The following TIMMDC1 variants were observed in gnomAD, a reference collection of about 807,000 sequenced individuals.
TIMMDC1 encodes the protein complex I assembly factor TIMMDC1, mitochondrial.
Under a neutral mutation model 32.6 loss-of-function variants are expected in TIMMDC1, and 25 were observed. That is an observed-to-expected ratio of 0.77 (90% confidence interval 0.56 to 1.07). The LOEUF (loss-of-function observed/expected upper bound fraction) is 1.07. TIMMDC1 is among the 50% of genes least tolerant of loss of function. TIMMDC1 has a pLI of 0.00. For synonymous variants in TIMMDC1, 130 were observed against 127.6 expected, an observed-to-expected ratio of 1.02 and a Z score of -0.13; for missense variants, 329 against 349.2, an observed-to-expected ratio of 0.94 and a Z score of 0.46.
chr3:119,508,526 A>T (rs1455211417), intron 4 of TIMMDC1, among the ~76,000 whole-genome samples: 1 of 152,240 alleles, frequency 6.6e-6, no homozygotes, highest in Admixed American at 6.5e-5. Flanking sequence ...CATACCAGAA[A>T]CTGGAAGTCT....
intron 4 of TIMMDC1, 126 bp from the exon 5 acceptor site, chr3:119,513,515 G>A (rs1440013428): frequency 4.3e-6 from 3 of 701,968 alleles, no homozygotes; most frequent in African/African-American, 1.8e-5. Context: ...AGTATAGGCT[G>A]TAGTAGTATA....
intron 6 of TIMMDC1, among the ~76,000 whole-genome samples, chr3:119,519,610 C>A (rs552093141): frequency 0.015 from 2,219 of 151,920 alleles, 56 homozygotes; most frequent in African/African-American, 0.052. Flanking sequence ...ATATATATAT[C>A]TAAACAAATA....
At position 119,498,561 on chromosome 3, in the gene TIMMDC1, G is replaced by T. The variant is rs910577272; in HGVS notation, c.-173G>T. On this transcript the variant is annotated 5_prime_UTR_variant, in exon 1 of 7. Coordinates refer to ENST00000494664, the MANE Select transcript of TIMMDC1 (RefSeq NM_016589.4). Reference sequence around the variant, plus strand: ...GGACTTCCTGTGTCGTATTTCCAAGGACTCCAAAGCGAGGCCGGGGACTGA... The same window carrying T: ...GGACTTCCTGTGTCGTATTTCCAAGTACTCCAAAGCGAGGCCGGGGACTGA... 3 of 623,158 alleles carry T rather than the reference G, an allele frequency of 4.8e-6. No individual in the cohort carries two copies. The highest frequency in any genetic ancestry group is 8.3e-6 in the Non-Finnish European group (3 of 361,980). 38.6% of individuals were successfully genotyped at this position (623,158 alleles called of 1,614,324 possible). A position where few individuals can be genotyped will look rare whatever the true frequency, so the allele number is the denominator to read the frequency against.
At chr3:119,516,007 C>T (rs9289131) in intron 5 of TIMMDC1, among the ~76,000 whole-genome samples, 32,341 of 152,122 alleles carry the variant, frequency 0.21, 4,029 homozygotes, top group Middle Eastern at 0.29. Context: ...TCATAATCTA[C>T]TGCTGCCATT....
chr3:119,505,303 T>G lies in TIMMDC1; in HGVS notation c.517+1282T>G, dbSNP rs143581001. Among the ~76,000 whole-genome samples the G allele has an allele frequency of 7.2e-5, 11 of 152,198 alleles. No individual in the cohort carries two copies. The East Asian group carries it at 2.1e-3, about 29-fold the overall frequency. ...TAAGTTAACTGCTATATACACTCAA[T>G]CACTAACTTGTGTACATTCTTTTAT... On this transcript the variant is annotated intron_variant, in intron 4 of 6. Transcript: ENST00000494664.
intron 4 of TIMMDC1, among the ~76,000 whole-genome samples, chr3:119,512,426 G>A (rs2081958674): frequency 6.6e-6 from 1 of 152,064 alleles, no homozygotes; most frequent in Non-Finnish European, 1.5e-5. Flanking sequence ...TTACAGGTGT[G>A]TGCCGCCATG....
At position 119,523,994 on chromosome 3, in the gene TIMMDC1, A is replaced by G. The variant is rs969864859; in HGVS notation, c.*238A>G. ...TACTTATGTTTGTATTAATCTATCA[A>G]TATATGCATACATGAATATATCCAC... On this transcript the variant is annotated 3_prime_UTR_variant, in exon 7 of 7. Transcript: ENST00000494664. The G allele has an allele frequency of 2.3e-5, 8 of 345,986 alleles. No individual in the cohort carries two copies. The highest frequency in any genetic ancestry group is 3.7e-5 in the Non-Finnish European group (7 of 191,584). The allele number at this position is 345,986 out of a possible 1,614,324, so 21.4% of individuals were successfully genotyped here.
At position 119,523,088 on chromosome 3, in the gene TIMMDC1, C is replaced by T. The variant is rs186595591; in HGVS notation, c.708-518C>T. Among the ~76,000 whole-genome samples the T allele has an allele frequency of 1.6e-3, 238 of 152,260 alleles. 6 individuals are homozygous for T. In the South Asian group the frequency reaches 0.034, roughly 22 times the overall value. ...TACTTGATTTAGAAACAGAACTGAT[C>T]TATTATTTGGAAATTAGTTTTTAAC... On this transcript the variant is annotated intron_variant, in intron 6 of 6. Transcript: ENST00000494664.
intron 1 of TIMMDC1, 58 bp downstream of exon 1, chr3:119,498,985 C>T (rs1309219856): frequency 1.3e-6 from 2 of 1,534,554 alleles, no homozygotes; most frequent in Non-Finnish European, 1.8e-6. Context: ...TGTCCTGCAG[C>T]GTGGGCAGCC....
chr3:119,513,520 A>C (rs2081967389), intron 4 of TIMMDC1, 121 bp from the exon 5 acceptor site: 1 of 716,456 alleles, frequency 1.4e-6, no homozygotes, highest in Non-Finnish European at 2.5e-6. Flanking sequence ...AGGCTGTAGT[A>C]GTATATTAAC....
Position 119,498,772 on chromosome 3 carries a change from T to C in TIMMDC1, c.39T>C (p.Cys13=). The C allele has an allele frequency of 1.2e-6, 2 of 1,614,250 alleles. No individual in the cohort carries two copies. The highest frequency in any genetic ancestry group is 1.6e-4 in the Middle Eastern group (1 of 6,062). The change falls in exon 1 of 7, where the codon TGT becomes TGC. Residue 13 remains cysteine, a synonymous_variant. Transcript: ENST00000494664. ...VPPPAPRSFL[C]RALCLFPRVF... ...CACCGGCACCGCGGAGCTTTCTCTG[T>C]AGAGCATTGTGCCTATTTCCCCGAG...
intron 2 of TIMMDC1, among the ~76,000 whole-genome samples, chr3:119,501,482 G>A (rs2081875167): frequency 6.6e-6 from 1 of 152,046 alleles, no homozygotes; most frequent in South Asian, 2.1e-4. Flanking sequence ...GTAGGTTATA[G>A]ACATGATGAA....
intron 4 of TIMMDC1, among the ~76,000 whole-genome samples, chr3:119,509,601 A>G (rs2081940110): frequency 6.6e-6 from 1 of 152,190 alleles, no homozygotes; most frequent in South Asian, 2.1e-4. Context: ...AGGAGTAACC[A>G]CAAATGGGCG....
chr3:119,522,791 C>T (rs2082035680), intron 6 of TIMMDC1, among the ~76,000 whole-genome samples: 1 of 146,386 alleles, frequency 6.8e-6, no homozygotes, highest in Non-Finnish European at 1.5e-5. Context: ...ATAGCATATA[C>T]ACGTATGGGT....
chr3:119,507,998 T>C (rs773840827), intron 4 of TIMMDC1, among the ~76,000 whole-genome samples: 1 of 152,214 alleles, frequency 6.6e-6, no homozygotes, highest in Non-Finnish European at 1.5e-5. Flanking sequence ...CATTTGGATA[T>C]TCCCCAGGCT....
At chr3:119,509,241 C>T (rs2081937884) in intron 4 of TIMMDC1, among the ~76,000 whole-genome samples, 2 of 152,092 alleles carry the variant, frequency 1.3e-5, no homozygotes, top group African/African-American at 4.8e-5. Flanking sequence ...CTGTGCAACT[C>T]AGCAATTCCA....
intron 5 of TIMMDC1, among the ~76,000 whole-genome samples, chr3:119,515,732 C>G (rs991462470): frequency 6.6e-6 from 1 of 152,174 alleles, no homozygotes; most frequent in Non-Finnish European, 1.5e-5. Context: ...ATATTCTGCT[C>G]TCCAGCTATC....
At chr3:119,513,994 A>C (rs1284423066) in intron 5 of TIMMDC1, among the ~76,000 whole-genome samples, 1 of 152,216 alleles carries the variant, frequency 6.6e-6, no homozygotes, top group Admixed American at 6.5e-5. Flanking sequence ...GCCCTTATTC[A>C]AAATGCCTTT....
At position 119,517,301 on chromosome 3, in the gene TIMMDC1, A is replaced by T; in HGVS notation, c.693A>T (p.Leu231=). 1 of 1,611,116 alleles carries T rather than the reference A, an allele frequency of 6.2e-7. No individual in the cohort carries two copies. The highest frequency in any genetic ancestry group is 8.5e-7 in the Non-Finnish European group (1 of 1,177,370). Residue 231 remains leucine (L), a synonymous_variant, in exon 6 of 7, where the codon CTA becomes CTT. Coordinates refer to ENST00000494664, the MANE Select transcript of TIMMDC1 (RefSeq NM_016589.4). ...KQKDRKALHE[L]KLEEWKGRLQ... Reference sequence around the variant, plus strand: ...AGGATCGAAAGGCACTCCATGAGCTAAAACTGGAAGAGTGGTAAGGAACAT... The same window carrying T: ...AGGATCGAAAGGCACTCCATGAGCTTAAACTGGAAGAGTGGTAAGGAACAT...
Sources: gnomAD v4.1 joint callset for allele counts (sites outside exome capture counted in the v4.1 genomes callset) on GRCh38, gnomAD v4.1.1 for gene constraint, MANE v1.5 for transcripts, NCBI Gene and HGNC (gene_info 2026-07-23, HGNC 2026-07-21) for gene names.